CSMD3: variants seen among roughly 807,000 people sequenced by gnomAD.
CSMD3 encodes the protein CUB and sushi domain-containing protein 3.
A neutral mutation model predicts 435.2 loss-of-function variants in CSMD3; 177 were observed. That is an observed-to-expected ratio of 0.41 (90% CI 0.36 to 0.46). CSMD3 has a LOEUF of 0.46. Ranked by LOEUF, CSMD3 falls within the 20% of genes least tolerant of loss-of-function variation. CSMD3 has a pLI of 0.34. For synonymous variants in CSMD3, 1,656 were observed against 1,520.5 expected (o/e 1.09, Z -2.07); for missense variants, 4,265 against 4,504.6 (o/e 0.95, Z 1.52).
chr8:113,039,180 A>C (rs2087490334), intron 5 of CSMD3, among the ~76,000 whole-genome samples: 2 of 152,166 alleles, frequency 1.3e-5, no homozygotes, highest in South Asian at 4.1e-4. Context: ...AACAGCTACC[A>C]TAGTAAAAAA....
chr8:112,417,799 A>G (rs890623901), intron 32 of CSMD3, among the ~76,000 whole-genome samples: 6 of 152,114 alleles, frequency 3.9e-5, no homozygotes, highest in African/African-American at 9.7e-5. Flanking sequence ...TTACTCCCTC[A>G]ATCTTAATTC....
chr8:112,866,002 T>C (rs772764517), intron 10 of CSMD3, among the ~76,000 whole-genome samples: 1 of 152,178 alleles, frequency 6.6e-6, no homozygotes, highest in Non-Finnish European at 1.5e-5. Flanking sequence ...ATGTGGTAAT[T>C]AATCCACAAA....
At chr8:112,622,760 A>G (rs948935577) in intron 22 of CSMD3, among the ~76,000 whole-genome samples, 2 of 152,182 alleles carry the variant, frequency 1.3e-5, no homozygotes, top group African/African-American at 4.8e-5. Flanking sequence ...TCATTTGTAT[A>G]CTGGAGATGA....
intron 63 of CSMD3, among the ~76,000 whole-genome samples, chr8:112,253,572 T>C (rs1815481605): frequency 6.6e-6 from 1 of 152,030 alleles, no homozygotes; most frequent in Non-Finnish European, 1.5e-5. Context: ...ATGTGTAAAT[T>C]GGCTACTTCT....
At chr8:112,276,491 G>A (rs1343355556) in intron 59 of CSMD3, among the ~76,000 whole-genome samples, 2 of 152,078 alleles carry the variant, frequency 1.3e-5, no homozygotes, top group Non-Finnish European at 2.9e-5. Context: ...TGGGGAAAAT[G>A]TCCCCAGGGC....
At chr8:112,526,773 G>A (rs944418512) in intron 27 of CSMD3, among the ~76,000 whole-genome samples, 2 of 151,746 alleles carry the variant, frequency 1.3e-5, no homozygotes, top group Non-Finnish European at 2.9e-5. Flanking sequence ...GGGTTGTGAT[G>A]TTTATAACAT....
chr8:112,761,611 C>A (rs1205703601), intron 13 of CSMD3, among the ~76,000 whole-genome samples: 1 of 151,962 alleles, frequency 6.6e-6, no homozygotes, highest in African/African-American at 2.4e-5. Flanking sequence ...AAGTTGTGAA[C>A]CATATTTACA....
intron 6 of CSMD3, among the ~76,000 whole-genome samples, chr8:113,001,440 T>C (rs1172941270): frequency 6.6e-6 from 1 of 152,128 alleles, no homozygotes; most frequent in East Asian, 1.9e-4. Context: ...TTCTCTTCAA[T>C]GTTGCTGTCC....
chr8:112,662,389 C>G, intron 17 of CSMD3, among the ~76,000 whole-genome samples: 1 of 152,094 alleles, frequency 6.6e-6, no homozygotes, highest in Non-Finnish European at 1.5e-5. Context: ...ACTATCTGAT[C>G]TTTGACAAAC....
intron 5 of CSMD3, among the ~76,000 whole-genome samples, chr8:113,027,422 G>A (rs747928406): frequency 6.6e-6 from 1 of 152,098 alleles, no homozygotes; most frequent in Non-Finnish European, 1.5e-5. Flanking sequence ...ATTCACTTAT[G>A]GAATGACGTT....
At chr8:112,651,815 C>T (rs892237375) in intron 18 of CSMD3, among the ~76,000 whole-genome samples, 5 of 151,726 alleles carry the variant, frequency 3.3e-5, no homozygotes, top group South Asian at 2.1e-4. Context: ...GGATTACAGG[C>T]GTGAGTCACT....
intron 4 of CSMD3, among the ~76,000 whole-genome samples, chr8:113,111,237 AT>A (rs1564327164): frequency 6.6e-6 from 1 of 151,998 alleles, no homozygotes; most frequent in Non-Finnish European, 1.5e-5. Context: ...ACAAATCATG[AT>A]TATATATATA....
intron 22 of CSMD3, among the ~76,000 whole-genome samples, chr8:112,595,078 G>A (rs1383418316): frequency 6.6e-6 from 1 of 151,264 alleles, no homozygotes; most frequent in Admixed American, 6.6e-5. Context: ...AGCTACGGGA[G>A]GACATTCAAA....
chr8:113,434,210 C>T (rs2094691748), intron 1 of CSMD3, among the ~76,000 whole-genome samples: 1 of 152,070 alleles, frequency 6.6e-6, no homozygotes, highest in Non-Finnish European at 1.5e-5. Flanking sequence ...GAGCTGTTCA[C>T]GTGGAAAACT....
chr8:113,104,363 C>A (rs1396348826), intron 4 of CSMD3, among the ~76,000 whole-genome samples: 1 of 152,076 alleles, frequency 6.6e-6, no homozygotes, highest in South Asian at 2.1e-4. Flanking sequence ...CTTTTTATTT[C>A]GTCCCAAGAC....
chr8:112,756,560 A>G (rs1339525753), intron 13 of CSMD3, among the ~76,000 whole-genome samples: 1 of 152,224 alleles, frequency 6.6e-6, no homozygotes, highest in Non-Finnish European at 1.5e-5. Context: ...AATTGTAAGA[A>G]AAATTCCCAA....
Position 112,224,831 on chromosome 8 carries a change from T to C in CSMD3, c.11064A>G (p.Ser3688=), listed in dbSNP as rs2129760996. ...CAAATCGTACCGCCTTCCCTTCCAC[T>C]GACTTTGCGTTGGTGTCATACATGG... ...ENPMYDTNAK[S]VEGKAVRFDP... Residue 3688 remains serine (S), a synonymous_variant, in exon 71 of 71, where the codon TCA becomes TCG. Transcript: ENST00000297405. 1 of 1,614,126 alleles carries C rather than the reference T, an allele frequency of 6.2e-7. No homozygotes were observed. Among genetic ancestry groups the C allele is most frequent in the South Asian group, 1.1e-5 (1 of 91,090 alleles).
intron 7 of CSMD3, among the ~76,000 whole-genome samples, chr8:112,957,926 G>C (rs2084088905): frequency 6.6e-6 from 1 of 150,744 alleles, no homozygotes; most frequent in South Asian, 2.1e-4. Flanking sequence ...TTGTATTTTA[G>C]TAGAGACAGG....
intron 6 of CSMD3, among the ~76,000 whole-genome samples, chr8:112,997,579 T>C (rs867004894): frequency 6.6e-6 from 1 of 151,556 alleles, no homozygotes; most frequent in African/African-American, 2.4e-5. Context: ...AAGGTGAGAA[T>C]TTGATGGTCA....
Sources: allele counts gnomAD v4.1 joint callset (sites outside exome capture counted in the v4.1 genomes callset), GRCh38; gene constraint gnomAD v4.1.1; transcripts MANE v1.5; gene names NCBI Gene and HGNC (gene_info 2026-07-23, HGNC 2026-07-21).